The following SAMD12 variants were observed in gnomAD, a reference collection of about 807,000 sequenced individuals.
The protein encoded by SAMD12 is sterile alpha motif domain-containing protein 12.
Under a neutral mutation model 15.0 loss-of-function variants are expected in SAMD12, and 9 were observed. The ratio of observed to expected loss-of-function variants is 0.60; its 90% CI spans 0.36 to 1.05. The LOEUF (loss-of-function observed/expected upper bound fraction) is 1.05, where lower values mean the gene tolerates loss of function less well. Among genes scored for constraint, SAMD12 ranks in the 50% least tolerant of loss-of-function variants. The pLI is 0.01. For missense variants in SAMD12, 230 were observed against 234.2 expected, an observed-to-expected ratio of 0.98 and a Z score of 0.12; for synonymous variants, 86 against 90.1, an observed-to-expected ratio of 0.96 and a Z score of 0.25.
In SAMD12 at chr8:118,533,648, G is replaced by C. The variant is rs1161931229; in HGVS notation, c.192+47067C>G. 2.0e-5 allele frequency among the ~76,000 whole-genome samples: 3 copies of C among 152,156 alleles called. No homozygotes were observed. The South Asian group carries it at 6.2e-4, about 32-fold the overall frequency. ...CCTGTATTAGATGCATATATAATTA[G>C]GATAGTTAGCTCTTCTTGTTGAATT... On this transcript the variant is annotated intron_variant, in intron 2 of 3. Coordinates refer to ENST00000314727, the MANE Select transcript of SAMD12 (RefSeq NM_207506.3).
the SAMD12 span, among the ~76,000 whole-genome samples, chr8:118,170,610 A>G: frequency 6.6e-6 from 1 of 152,216 alleles, no homozygotes; most frequent in Non-Finnish European, 1.5e-5. Flanking sequence ...ATGGTGCTGG[A>G]ATAGTTAAAC....
chr8:118,266,278 C>T (rs1168338171), intron 4 of SAMD12, among the ~76,000 whole-genome samples: 1 of 152,110 alleles, frequency 6.6e-6, no homozygotes, highest in East Asian at 1.9e-4. Context: ...GGTGGGGACA[C>T]AAAGCCAAAC....
intron 4 of SAMD12, chr8:118,284,441 T>C: frequency 2.2e-6 from 1 of 449,060 alleles, no homozygotes. Flanking sequence ...TCTGCCTGCC[T>C]GATATATCCC....
intron 2 of SAMD12, among the ~76,000 whole-genome samples, chr8:118,543,609 T>TC (rs1459620609): frequency 1.3e-5 from 2 of 148,912 alleles, no homozygotes; most frequent in African/African-American, 5.1e-5. Context: ...ATGAGATTTT[T>TC]TTTTCTTTTC....
At chr8:118,137,794 A>C in the SAMD12 span, among the ~76,000 whole-genome samples, 1 of 152,160 alleles carries the variant, frequency 6.6e-6, no homozygotes, top group South Asian at 2.1e-4. Flanking sequence ...ACATCTCATA[A>C]TTTTTTAAGA....
At chr8:118,280,048 G>A (rs1412146503) in intron 4 of SAMD12, among the ~76,000 whole-genome samples, 1 of 152,142 alleles carries the variant, frequency 6.6e-6, no homozygotes, top group East Asian at 1.9e-4. Flanking sequence ...AAATGGGACT[G>A]GCAATTGTGA....
the SAMD12 span, among the ~76,000 whole-genome samples, chr8:118,160,465 C>A: frequency 6.6e-6 from 1 of 152,198 alleles, no homozygotes; most frequent in African/African-American, 2.4e-5. Context: ...AGTAATCAAG[C>A]CAGTGTCATA....
rs925644092 is a variant in SAMD12, at chr8:118,336,815, T to C, written c.433+42745A>G. 9.2e-5 allele frequency among the ~76,000 whole-genome samples: 14 copies of C among 152,338 alleles called. 1 individual carries two copies. Among genetic ancestry groups the C allele is most frequent in the African/African-American group, 1.4e-4 (6 of 41,572 alleles). On this transcript the variant is annotated intron_variant, in intron 4 of 4. Transcript: ENST00000409003. ...AAGAAAATGTGGCACATACACACCATGGAATACTATGCAGCCACAAAAAGG... is the reference window on the plus strand; with the variant it reads ...AAGAAAATGTGGCACATACACACCACGGAATACTATGCAGCCACAAAAAGG...
rs549481905 is a variant in SAMD12 at position 118,502,147 on chromosome 8, C to T, written c.193-62186G>A. On this transcript the variant is annotated intron_variant, in intron 2 of 3. Transcript: ENST00000314727. ...GACCTCACTTTCTGTAGTAAGATTA[C>T]ATTTTTAACTGTTTGTTAGTGTATT... is the stretch of plus-strand genomic sequence containing the variant. Among the ~76,000 whole-genome samples the T allele has an allele frequency of 1.2e-4, 18 of 151,768 alleles. No homozygotes were observed. The South Asian group carries it at 3.8e-3, about 32-fold the overall frequency.
At chr8:118,359,848 T>A (rs905680506) in intron 4 of SAMD12, among the ~76,000 whole-genome samples, 6 of 152,214 alleles carry the variant, frequency 3.9e-5, no homozygotes, top group African/African-American at 1.4e-4. Flanking sequence ...CCTGGCCTCA[T>A]GTGTGGCTAA....
intron 4 of SAMD12, among the ~76,000 whole-genome samples, chr8:118,248,589 G>A (rs1479627236): frequency 6.6e-6 from 1 of 151,484 alleles, no homozygotes; most frequent in Non-Finnish European, 1.5e-5. Flanking sequence ...CTCACTGTCT[G>A]TTTTGGCCAC....
At chr8:118,230,766 C>A (rs1039076194) in intron 4 of SAMD12, among the ~76,000 whole-genome samples, 12 of 152,046 alleles carry the variant, frequency 7.9e-5, no homozygotes, top group African/African-American at 2.9e-4. Flanking sequence ...TTGAGGTATT[C>A]AAGAAAGGAA....
chr8:118,415,858 T>C (rs1350704894), intron 3 of SAMD12, among the ~76,000 whole-genome samples: 2 of 152,238 alleles, frequency 1.3e-5, no homozygotes, highest in East Asian at 1.9e-4. Flanking sequence ...CTGCCTGTTA[T>C]GTGCTAAACT....
the SAMD12 span, among the ~76,000 whole-genome samples, chr8:118,175,464 G>A: frequency 1.4e-4 from 21 of 152,118 alleles, no homozygotes; most frequent in Admixed American, 6.6e-4. Context: ...CTCCAAAAGC[G>A]ATTGCAACAA....
intron 4 of SAMD12, among the ~76,000 whole-genome samples, chr8:118,257,660 A>T (rs1041198858): frequency 2.0e-5 from 3 of 152,094 alleles, no homozygotes; most frequent in Admixed American, 1.3e-4. Context: ...ATCTGCTACC[A>T]GGATGGTCTC....
At chr8:118,519,859 G>T (rs1825342036) in intron 2 of SAMD12, among the ~76,000 whole-genome samples, 1 of 152,088 alleles carries the variant, frequency 6.6e-6, no homozygotes, top group South Asian at 2.1e-4. Context: ...GTGTATTCTA[G>T]ATAATTTGAC....
At chr8:118,487,814 C>T (rs979921948) in intron 2 of SAMD12, among the ~76,000 whole-genome samples, 4 of 152,142 alleles carry the variant, frequency 2.6e-5, no homozygotes, top group African/African-American at 7.2e-5. Context: ...ACTTTTCTCT[C>T]GATCACAATA....
chr8:118,222,475 C>T (rs934653880), intron 4 of SAMD12, among the ~76,000 whole-genome samples: 3 of 152,210 alleles, frequency 2.0e-5, no homozygotes, highest in Middle Eastern at 3.4e-3. Flanking sequence ...TTATAATAAT[C>T]TAAAATTTAA....
intron 4 of SAMD12, among the ~76,000 whole-genome samples, chr8:118,255,431 G>C (rs1439604662): frequency 6.6e-6 from 1 of 151,442 alleles, no homozygotes; most frequent in Non-Finnish European, 1.5e-5. Context: ...GTATACATGT[G>C]CCACGCTGGT....
Sources: gnomAD v4.1 joint callset for allele counts (sites outside exome capture counted in the v4.1 genomes callset) on GRCh38, gnomAD v4.1.1 for gene constraint, MANE v1.5 for transcripts, NCBI Gene and HGNC (gene_info 2026-07-23, HGNC 2026-07-21) for gene names.